The following TOX2 variants were observed in gnomAD, a reference collection of about 807,000 sequenced individuals.
TOX2 encodes granulosa cell HMG box 1.
A neutral mutation model predicts 47.4 loss-of-function variants in TOX2; 15 were observed. That is an observed-to-expected ratio of 0.32 (90% CI 0.21 to 0.49). TOX2 has a LOEUF of 0.49. Among genes scored for constraint, TOX2 ranks in the 20% least tolerant of loss-of-function variants. TOX2 has a pLI of 0.99. For synonymous variants in TOX2, 290 were observed against 296.6 expected (o/e 0.98, Z 0.23); for missense variants, 622 against 673.1 (o/e 0.92, Z 0.84).
intron 1 of TOX2, among the ~76,000 whole-genome samples, chr20:43,931,176 T>C (rs1242508329): frequency 6.6e-6 from 1 of 152,240 alleles, no homozygotes; most frequent in Admixed American, 6.5e-5. Flanking sequence ...GCTTGCTCTA[T>C]TGCCCAGGCT....
At chr20:43,966,722 C>T (rs1450201703) in intron 1 of TOX2, among the ~76,000 whole-genome samples, 4 of 150,658 alleles carry the variant, frequency 2.7e-5, no homozygotes, top group Non-Finnish European at 5.9e-5. Context: ...CCATTTCACT[C>T]CAGCCTGGGC....
chr20:43,959,900 A>T (rs1023861966), intron 1 of TOX2, among the ~76,000 whole-genome samples: 1 of 152,096 alleles, frequency 6.6e-6, no homozygotes, highest in Non-Finnish European at 1.5e-5. Context: ...GCTCCATGTT[A>T]TGGGAGGTAA....
rs189880597 is a variant in TOX2 at position 43,968,505 on chromosome 20, G to A, written c.100-4862G>A. Among the ~76,000 whole-genome samples, 12 of 152,224 alleles carry A rather than the reference G, an allele frequency of 7.9e-5. No homozygotes were observed. In the East Asian group the frequency reaches 2.3e-3, roughly 29 times the overall value. ...GGCCGAGGAGCTCTTTTCCCTGAGG[G>A]GACCACACAGGGAAAGGAGAGGTAG... On this transcript the variant is annotated intron_variant, in intron 1 of 8. Transcript: ENST00000341197.
intron 1 of TOX2, among the ~76,000 whole-genome samples, chr20:43,961,178 AAGG>A (rs2069752073): frequency 6.6e-6 from 1 of 152,204 alleles, no homozygotes; most frequent in Non-Finnish European, 1.5e-5. Context: ...TGGCTTCTGG[AAGG>A]AGGACAGCAC....
chr20:44,027,471 G>T (rs753806489), intron 3 of TOX2, among the ~76,000 whole-genome samples: 4 of 152,170 alleles, frequency 2.6e-5, no homozygotes, highest in African/African-American at 7.2e-5. Flanking sequence ...AGGCCTCTCC[G>T]CCATAGCCTG....
intron 3 of TOX2, among the ~76,000 whole-genome samples, chr20:44,034,808 A>G (rs2071214057): frequency 6.6e-6 from 1 of 152,110 alleles, no homozygotes; most frequent in African/African-American, 2.4e-5. Context: ...CCCCCAAAAG[A>G]TGTCTACATC....
intron 3 of TOX2, among the ~76,000 whole-genome samples, chr20:44,024,578 A>G (rs1442219381): frequency 6.6e-6 from 1 of 152,116 alleles, no homozygotes; most frequent in South Asian, 2.1e-4. Flanking sequence ...GTCTTCTTAC[A>G]TCTTTTACTT....
chr20:43,934,798 T>TTGTGTGTGTGTGTGTGTG (rs148972789), intron 1 of TOX2, among the ~76,000 whole-genome samples: 3 of 147,746 alleles, frequency 2.0e-5, no homozygotes, highest in Non-Finnish European at 4.5e-5. Context: ...GTGTGTGTGT[T>TTGTGTGTGTGTGTGTGTG]TGTGTGTGTG....
intron 1 of TOX2, among the ~76,000 whole-genome samples, chr20:43,953,573 G>A (rs978389664): frequency 6.6e-6 from 1 of 152,210 alleles, no homozygotes; most frequent in African/African-American, 2.4e-5. Context: ...ATGCAGGGCA[G>A]GCTGGTGGCA....
chr20:43,949,381 C>A (rs991829390), intron 1 of TOX2, among the ~76,000 whole-genome samples: 2 of 152,206 alleles, frequency 1.3e-5, no homozygotes, highest in Non-Finnish European at 2.9e-5. Context: ...CTGTTCTTCT[C>A]GCAGCAGCCA....
chr20:44,034,217 G>T (rs540718421), intron 3 of TOX2, among the ~76,000 whole-genome samples: 1 of 152,084 alleles, frequency 6.6e-6, no homozygotes, highest in East Asian at 1.9e-4. Flanking sequence ...CTTATCTTCT[G>T]CAGACTTCAA....
At position 44,051,594 on chromosome 20, in the gene TOX2, G is replaced by A. The variant is rs760584973; in HGVS notation, c.651+49G>A. The A allele has an allele frequency of 2.0e-6, 3 of 1,527,754 alleles. No individual in the cohort carries two copies. In the African/African-American group the frequency reaches 4.1e-5, roughly 21 times the overall value. The allele number at this position is 1,527,754 out of a possible 1,614,324, so 94.6% of individuals were successfully genotyped here. On this transcript the variant is annotated intron_variant, in intron 4 of 8. Transcript: ENST00000341197. ...CCTGAAGCTGCCCTCCTGTCGGCAGGGAAGGGGTCCTGTGGGGAAATGGGC... is the reference window on the plus strand; with the variant it reads ...CCTGAAGCTGCCCTCCTGTCGGCAGAGAAGGGGTCCTGTGGGGAAATGGGC...
At chr20:43,996,200 C>G (rs893006107) in intron 2 of TOX2, among the ~76,000 whole-genome samples, 4 of 152,138 alleles carry the variant, frequency 2.6e-5, no homozygotes, top group Admixed American at 2.0e-4. Flanking sequence ...TTCATAATAG[C>G]TATTCTGACT....
chr20:43,921,202 A>G (rs1316039875), intron 1 of TOX2, among the ~76,000 whole-genome samples: 1 of 152,226 alleles, frequency 6.6e-6, no homozygotes, highest in African/African-American at 2.4e-5. Context: ...GTAGGCGGGA[A>G]GAGGAGCTGA....
At chr20:43,949,111 C>A (rs1382011946) in intron 1 of TOX2, among the ~76,000 whole-genome samples, 2 of 152,198 alleles carry the variant, frequency 1.3e-5, no homozygotes, top group East Asian at 3.9e-4. Flanking sequence ...CTGATTCACA[C>A]CCTCCGTCAC....
chr20:43,917,509 G>T (rs1177660476), intron 1 of TOX2, among the ~76,000 whole-genome samples: 2 of 152,206 alleles, frequency 1.3e-5, no homozygotes, highest in African/African-American at 4.8e-5. Flanking sequence ...GAGGCTCGTT[G>T]CACAGGGAGC....
intron 2 of TOX2, among the ~76,000 whole-genome samples, chr20:43,974,837 C>T (rs1341156257): frequency 6.6e-6 from 1 of 152,242 alleles, no homozygotes; most frequent in Non-Finnish European, 1.5e-5. Context: ...TCCCCTGCCG[C>T]TGCAGGATCG....
chr20:43,968,483 C>T (rs1464475713), intron 1 of TOX2, among the ~76,000 whole-genome samples: 4 of 151,970 alleles, frequency 2.6e-5, no homozygotes, highest in Admixed American at 6.6e-5. Context: ...GAATAGGGGC[C>T]GAGGAGCTCT....
chr20:43,919,535 A>G (rs902955557), intron 1 of TOX2, among the ~76,000 whole-genome samples: 2 of 152,184 alleles, frequency 1.3e-5, no homozygotes, highest in Non-Finnish European at 2.9e-5. Context: ...TTTAAGTTCC[A>G]GGATACATGT....
Sources: allele counts gnomAD v4.1 joint callset (sites outside exome capture counted in the v4.1 genomes callset), GRCh38; gene constraint gnomAD v4.1.1; transcripts MANE v1.5; gene names NCBI Gene and HGNC (gene_info 2026-07-23, HGNC 2026-07-21).